EPHA3: variants seen among roughly 807,000 people sequenced by gnomAD.
EPHA3 encodes the protein EPH receptor A3, also known as ephrin type-A receptor 3.
In EPHA3, 42 loss-of-function variants were observed where a neutral mutation model predicts 107.1. The observed-to-expected ratio is 0.39, with a 90% CI of 0.31 to 0.51. The LOEUF is 0.51. Among genes scored for constraint, EPHA3 ranks in the 20% least tolerant of loss-of-function variants. EPHA3 has a pLI of 0.78. For missense variants in EPHA3, 1,183 were observed against 1,211.2 expected, an observed-to-expected ratio of 0.98 and a Z score of 0.35; for synonymous variants, 461 against 424.8, an observed-to-expected ratio of 1.09 and a Z score of -1.05.
At chr3:89,205,765 T>G (rs543783654) in intron 2 of EPHA3, among the ~76,000 whole-genome samples, 1 of 152,066 alleles carries the variant, frequency 6.6e-6, no homozygotes, top group Non-Finnish European at 1.5e-5. Flanking sequence ...AAAGATGCTT[T>G]TCACCACCAA....
intron 1 of EPHA3, among the ~76,000 whole-genome samples, chr3:89,117,471 T>C (rs1273857952): frequency 6.6e-6 from 1 of 152,118 alleles, no homozygotes; most frequent in East Asian, 1.9e-4. Context: ...TCATTGCATC[T>C]GATGGCAGTC....
intron 13 of EPHA3, among the ~76,000 whole-genome samples, chr3:89,445,550 G>A (rs530024635): frequency 1.3e-5 from 2 of 152,240 alleles, no homozygotes; most frequent in Admixed American, 6.5e-5. Flanking sequence ...TTAAAGCACT[G>A]CACCCTGGTT....
intron 3 of EPHA3, among the ~76,000 whole-genome samples, chr3:89,267,424 G>A (rs939701167): frequency 9.2e-5 from 14 of 152,060 alleles, no homozygotes; most frequent in Non-Finnish European, 2.1e-4. Context: ...CAGGAAGACA[G>A]GGAGAAACTT....
rs117298804 is a variant in EPHA3 at position 89,459,025 on chromosome 3, T to C, written c.2690+8655T>C. On this transcript the variant is annotated intron_variant, in intron 15 of 16. Coordinates refer to ENST00000336596, the MANE Select transcript of EPHA3 (RefSeq NM_005233.6). ...GAGGAACATCACACACCAGGGCCTA[T>C]TGGAGGGTGAAGGGAAAGGGAAAGG... is the stretch of plus-strand genomic sequence containing the variant. Among the ~76,000 whole-genome samples, 194 of 152,108 alleles carry C rather than the reference T, an allele frequency of 1.3e-3. 1 individual carries two copies. In the East Asian group the frequency reaches 0.025, roughly 20 times the overall value.
At chr3:89,230,147 TA>T (rs772022415) in intron 3 of EPHA3, among the ~76,000 whole-genome samples, 27 of 152,182 alleles carry the variant, frequency 1.8e-4, no homozygotes, top group Non-Finnish European at 3.4e-4. Flanking sequence ...AGCAATTAAG[TA>T]AACTCACCAA....
chr3:89,249,752 TTAAAC>T (rs1238505205), intron 3 of EPHA3, among the ~76,000 whole-genome samples: 2 of 152,162 alleles, frequency 1.3e-5, no homozygotes, highest in Non-Finnish European at 2.9e-5. Context: ...GTTGTAGCCT[TTAAAC>T]TAAGCATTTC....
chr3:89,395,926 A>T lies in EPHA3; in HGVS notation c.1396A>T (p.Ile466Phe), dbSNP rs752539520. 53 of 1,613,898 alleles carry T rather than the reference A, an allele frequency of 3.3e-5. No individual in the cohort carries two copies. Among genetic ancestry groups the T allele is most frequent in the African/African-American group, 5.3e-5 (4 of 74,920 alleles). The change falls in exon 6 of 17, where the codon ATC (isoleucine) becomes TTC (phenylalanine). Residue 466 changes from isoleucine (I) to phenylalanine (F), a missense_variant. Coordinates refer to ENST00000336596, the MANE Select transcript of EPHA3 (RefSeq NM_005233.6). ...SWQEPEHPNG[I>F]ILDYEVKYYE... The stretch of plus-strand genomic sequence containing the variant: ...GCAAGAACCTGAACATCCTAATGGG[A>T]TCATATTGGACTACGAGGTCAAATA...
intron 13 of EPHA3, among the ~76,000 whole-genome samples, chr3:89,447,080 A>G (rs1444684561): frequency 1.3e-5 from 2 of 152,144 alleles, no homozygotes; most frequent in African/African-American, 4.8e-5. Flanking sequence ...ACTTTTGTCG[A>G]TGTCAAGGGG....
At chr3:89,405,556 C>T (rs866569565) in intron 7 of EPHA3, among the ~76,000 whole-genome samples, 21 of 152,242 alleles carry the variant, frequency 1.4e-4, no homozygotes, top group Middle Eastern at 3.4e-3. Context: ...AGATGCTGCT[C>T]ACAGGAAACT....
chr3:89,472,851 C>T (rs540662030), intron 16 of EPHA3, among the ~76,000 whole-genome samples: 3 of 152,094 alleles, frequency 2.0e-5, no homozygotes, highest in African/African-American at 4.8e-5. Flanking sequence ...GGCCCAGGAT[C>T]GGTGTCTTTA....
chr3:89,219,564 G>T (rs6797343), intron 3 of EPHA3, among the ~76,000 whole-genome samples: 112,547 of 151,358 alleles, frequency 0.74, 42,995 homozygotes, highest in Admixed American at 0.83. Context: ...ACTTAGATTT[G>T]AGTGGAAATA....
At chr3:89,379,478 G>A (rs1708460482) in intron 5 of EPHA3, among the ~76,000 whole-genome samples, 1 of 152,124 alleles carries the variant, frequency 6.6e-6, no homozygotes. Flanking sequence ...TACTTAATTT[G>A]TTAACATTTT....
intron 2 of EPHA3, among the ~76,000 whole-genome samples, chr3:89,165,286 C>T (rs1705037742): frequency 6.6e-6 from 1 of 152,116 alleles, no homozygotes; most frequent in Non-Finnish European, 1.5e-5. Flanking sequence ...AACTAATCCT[C>T]AAAAGCAGAT....
chr3:89,373,987 A>G (rs1255764106), intron 5 of EPHA3, among the ~76,000 whole-genome samples: 2 of 151,886 alleles, frequency 1.3e-5, no homozygotes, highest in African/African-American at 4.8e-5. Flanking sequence ...TATATAATAA[A>G]TATCAGCTTT....
intron 3 of EPHA3, among the ~76,000 whole-genome samples, chr3:89,322,721 T>G (rs2107382664): frequency 6.6e-6 from 1 of 152,206 alleles, no homozygotes; most frequent in African/African-American, 2.4e-5. Flanking sequence ...AGGTAATCAT[T>G]TCAATTACCC....
chr3:89,181,757 G>T lies in EPHA3; in HGVS notation c.154-28103G>T, dbSNP rs543719625. ...AACTTTAAGATTGTGGCAGCAGATC[G>T]TTAAATCTAAGCAGAGAGCCCTAGG... On this transcript the variant is annotated intron_variant, in intron 2 of 16. Coordinates refer to ENST00000336596, the MANE Select transcript of EPHA3 (RefSeq NM_005233.6). Among the ~76,000 whole-genome samples, 3 of 152,060 alleles carry T rather than the reference G, an allele frequency of 2.0e-5. No individual in the cohort carries two copies. In the South Asian group the frequency reaches 6.2e-4, roughly 32 times the overall value.
At chr3:89,419,420 T>C in intron 11 of EPHA3, 30 bp downstream of exon 11, 1 of 1,525,830 alleles carries the variant, frequency 6.6e-7, no homozygotes, top group Non-Finnish European at 8.8e-7. Context: ...GACCTGTGTT[T>C]CCGTATGTTG....
intron 3 of EPHA3, among the ~76,000 whole-genome samples, chr3:89,267,656 A>T (rs1187577968): frequency 1.3e-5 from 2 of 152,030 alleles, no homozygotes; most frequent in African/African-American, 2.4e-5. Context: ...ATTTTTTTTT[A>T]AATTAACTTT....
chr3:89,254,145 T>C (rs963671234), intron 3 of EPHA3, among the ~76,000 whole-genome samples: 2 of 152,176 alleles, frequency 1.3e-5, no homozygotes, highest in Non-Finnish European at 2.9e-5. Context: ...ATCTGCTTAA[T>C]TCATATTTAG....
Sources: allele counts gnomAD v4.1 joint callset (sites outside exome capture counted in the v4.1 genomes callset), GRCh38; gene constraint gnomAD v4.1.1; transcripts MANE v1.5; gene names NCBI Gene and HGNC (gene_info 2026-07-23, HGNC 2026-07-21).